Variants in NOVA1 observed in about 807,000 individuals in gnomAD.
NOVA1 encodes RNA-binding protein Nova-1.
A neutral mutation model predicts 38.0 loss-of-function variants in NOVA1; 7 were observed. That is an observed-to-expected ratio of 0.18 (90% confidence interval 0.10 to 0.35). The LOEUF (loss-of-function observed/expected upper bound fraction) is 0.35, where lower values mean the gene tolerates loss of function less well. Among genes scored for constraint, NOVA1 ranks in the 10% least tolerant of loss-of-function variants. The probability of loss-of-function intolerance (pLI) is 1.00; values close to 1 mark genes in which losing one functional copy is unlikely to be tolerated. For missense variants in NOVA1, 460 were observed against 616.0 expected (o/e 0.75, Z 2.68); for synonymous variants, 270 against 232.5 (o/e 1.16, Z -1.47).
intron 2 of NOVA1, among the ~76,000 whole-genome samples, chr14:26,524,752 T>C (rs1245199): frequency 0.58 from 88,378 of 152,114 alleles, 30,879 homozygotes; most frequent in Non-Finnish European, 0.75. Context: ...TTTCCATATA[T>C]GGTAGAGTCA....
intron 2 of NOVA1, among the ~76,000 whole-genome samples, chr14:26,525,408 C>A (rs1422061867): frequency 1.3e-5 from 2 of 152,030 alleles, no homozygotes; most frequent in Non-Finnish European, 2.9e-5. Context: ...TGTTCTATTG[C>A]AGTATTTACA....
chr14:26,556,320 T>C lies in NOVA1; in HGVS notation c.280+39090A>G, dbSNP rs141631825. 4.5e-3 allele frequency among the ~76,000 whole-genome samples: 685 copies of C among 151,954 alleles called. 6 individuals carry two copies. Among genetic ancestry groups the C allele is most frequent in the African/African-American group, 0.016 (652 of 41,444 alleles). On this transcript the variant is annotated intron_variant, in intron 2 of 4. Transcript: ENST00000539517. The stretch of plus-strand genomic sequence containing the variant: ...ACTTGATCAATGGACAGAACAGAAA[T>C]AAAGAAAGCCCAGAAACAAACCCAC...
chr14:26,476,640 G>A (rs1332465550), intron 3 of NOVA1, among the ~76,000 whole-genome samples: 1 of 150,962 alleles, frequency 6.6e-6, no homozygotes, highest in Non-Finnish European at 1.5e-5. Context: ...GTCCAGTCAA[G>A]TTTTCATCTA....
intron 2 of NOVA1, chr14:26,588,466 T>C (rs181708686): frequency 7.3e-5 from 11 of 151,520 alleles, no homozygotes; most frequent in Admixed American, 6.6e-4. Flanking sequence ...CTGTCAACAA[T>C]GCTATGACAG....
At chr14:26,576,708 G>C (rs566599138) in intron 2 of NOVA1, among the ~76,000 whole-genome samples, 1 of 151,288 alleles carries the variant, frequency 6.6e-6, no homozygotes, top group South Asian at 2.1e-4. Context: ...CTAATGAACA[G>C]GTATTATTCA....
intron 2 of NOVA1, among the ~76,000 whole-genome samples, chr14:26,523,901 A>C (rs1034121362): frequency 1.3e-5 from 2 of 151,638 alleles, no homozygotes; most frequent in Non-Finnish European, 2.9e-5. Context: ...CAGGCGCCCG[A>C]CACCATGCCC....
chr14:26,492,673 T>C (rs17111286), intron 2 of NOVA1, among the ~76,000 whole-genome samples: 44,742 of 151,988 alleles, frequency 0.29, 7,233 homozygotes, highest in African/African-American at 0.42. Flanking sequence ...AACACTTAGT[T>C]AAAATAAATA....
intron 2 of NOVA1, among the ~76,000 whole-genome samples, chr14:26,515,654 T>C (rs1262304771): frequency 2.0e-5 from 3 of 151,956 alleles, no homozygotes; most frequent in Admixed American, 6.6e-5. Context: ...ATGTATCCTA[T>C]GCCTACTAAA....
intron 2 of NOVA1, among the ~76,000 whole-genome samples, chr14:26,572,413 AT>A (rs1227949720): frequency 2.6e-5 from 4 of 152,162 alleles, no homozygotes; most frequent in South Asian, 4.1e-4. Context: ...AAGAGAATAC[AT>A]TTTTTGACAC....
At chr14:26,585,666 T>G (rs1005770706) in intron 2 of NOVA1, among the ~76,000 whole-genome samples, 2 of 151,322 alleles carry the variant, frequency 1.3e-5, no homozygotes, top group African/African-American at 2.4e-5. Flanking sequence ...ATATACTTTA[T>G]TAATAACTAA....
At chr14:26,558,170 A>G (rs777078389) in intron 2 of NOVA1, among the ~76,000 whole-genome samples, 4 of 151,964 alleles carry the variant, frequency 2.6e-5, no homozygotes, top group Admixed American at 6.6e-5. Flanking sequence ...TCTTTTTACA[A>G]ATCTTATATA....
At chr14:26,589,607 A>G (rs1594591207) in intron 2 of NOVA1, among the ~76,000 whole-genome samples, 1 of 151,952 alleles carries the variant, frequency 6.6e-6, no homozygotes, top group Non-Finnish European at 1.5e-5. Flanking sequence ...TTAACTTCCT[A>G]TGAAAAATAA....
Position 26,448,431 on chromosome 14 carries a change from C to G in NOVA1, c.1052G>C (p.Ser351Thr). The change falls in exon 5 of 5, where the codon AGT (serine) becomes ACT (threonine). Residue 351 changes from serine to threonine, a missense_variant. Coordinates refer to ENST00000539517, the MANE Select transcript of NOVA1 (RefSeq NM_002515.3). This position sits in a 1 kb window ranked among gnomAD's most constrained non-coding sequence, Gnocchi z 5.3. ...GGCTGCTGCTGCTGCTGGGTTGGCA[C>G]TGGCAGCTGCTGCAGCCAAAGCCCC... is the stretch of plus-strand genomic sequence containing the variant. ...ATGALAAAAA[S>T]ANPAAAAANL... 6.2e-7 allele frequency: 1 copy of G among 1,611,536 alleles called. No individual in the cohort carries two copies. Among genetic ancestry groups the G allele is most frequent in the Non-Finnish European group, 8.5e-7 (1 of 1,179,368 alleles).
At chr14:26,577,569 T>C (rs1336771557) in intron 2 of NOVA1, among the ~76,000 whole-genome samples, 1 of 152,150 alleles carries the variant, frequency 6.6e-6, no homozygotes, top group Non-Finnish European at 1.5e-5. Flanking sequence ...GTTTCTGTTA[T>C]CTTCTTTTGG....
At chr14:26,586,147 G>A (rs2138789683) in intron 2 of NOVA1, among the ~76,000 whole-genome samples, 1 of 151,452 alleles carries the variant, frequency 6.6e-6, no homozygotes, top group African/African-American at 2.4e-5. Flanking sequence ...ACTGATGTGA[G>A]TAAAGACTAT....
intron 2 of NOVA1, among the ~76,000 whole-genome samples, chr14:26,536,541 T>C (rs868338215): frequency 6.6e-6 from 1 of 151,632 alleles, no homozygotes; most frequent in African/African-American, 2.4e-5. Flanking sequence ...TAAAAAGATA[T>C]AGCTGGCATA....
At chr14:26,544,317 C>T (rs1282327420) in intron 2 of NOVA1, among the ~76,000 whole-genome samples, 3 of 151,814 alleles carry the variant, frequency 2.0e-5, no homozygotes, top group Non-Finnish European at 4.4e-5. Context: ...GGGTTATCTC[C>T]AAATACTAGA....
intron 4 of NOVA1, among the ~76,000 whole-genome samples, chr14:26,453,876 T>A (rs977708655): frequency 2.6e-5 from 4 of 152,198 alleles, no homozygotes; most frequent in African/African-American, 9.6e-5. Flanking sequence ...TACACACATA[T>A]GACATTACAC....
At chr14:26,523,136 T>A (rs1164321021) in intron 2 of NOVA1, among the ~76,000 whole-genome samples, 2 of 152,236 alleles carry the variant, frequency 1.3e-5, no homozygotes, top group African/African-American at 4.8e-5. Flanking sequence ...TACTCACCAC[T>A]GGGAAATGAC....
Sources: gnomAD v4.1 joint callset for allele counts (sites outside exome capture counted in the v4.1 genomes callset) on GRCh38, gnomAD v4.1.1 for gene constraint, Gnocchi (gnomAD v3.1) non-coding constraint, MANE v1.5 for transcripts, NCBI Gene and HGNC (gene_info 2026-07-23, HGNC 2026-07-21) for gene names.